CELA2B: variants seen among roughly 807,000 people sequenced by gnomAD.
CELA2B encodes the protein chymotrypsin like elastase 2B.
Under a neutral mutation model 36.5 loss-of-function variants are expected in CELA2B, and 27 were observed. The ratio of observed to expected loss-of-function variants is 0.74; its 90% CI spans 0.55 to 1.02. CELA2B has a LOEUF of 1.02. CELA2B is among the 50% of genes least tolerant of loss of function. The pLI is 0.00. For missense variants in CELA2B, 340 were observed against 347.8 expected (o/e 0.98, Z 0.18); for synonymous variants, 143 against 148.5 (o/e 0.96, Z 0.27).
chr1:15,480,053 C>G (rs979461795), intron 2 of CELA2B, among the ~76,000 whole-genome samples: 1 of 151,974 alleles, frequency 6.6e-6, no homozygotes, highest in Non-Finnish European at 1.5e-5. Context: ...GACTTCCATT[C>G]AAAAAGGATC....
chr1:15,478,918 T>A (rs1377959477), intron 2 of CELA2B, among the ~76,000 whole-genome samples: 1 of 152,124 alleles, frequency 6.6e-6, no homozygotes, highest in Non-Finnish European at 1.5e-5. Context: ...CACCGTGGCT[T>A]ATGTTCCCCA....
chr1:15,487,031 A>G (rs768862850), intron 6 of CELA2B, among the ~76,000 whole-genome samples: 19 of 152,228 alleles, frequency 1.2e-4, no homozygotes, highest in Non-Finnish European at 2.4e-4. Flanking sequence ...GCCTGGGGAT[A>G]CTACGAATAT....
Position 15,486,004 on chromosome 1 carries a change from T to C in CELA2B, c.597T>C (p.Asn199=), listed in dbSNP as rs1476082272. ...SGWWGSTVKT[N]MICAGGDGVI... The stretch of plus-strand genomic sequence containing the variant: ...GGTGGGGCAGCACCGTGAAGACGAA[T>C]ATGATCTGTGCTGGGGGTGATGGCG... Residue 199 remains asparagine, a synonymous_variant, in exon 6 of 8, where the codon AAT becomes AAC. Coordinates refer to ENST00000375910, the MANE Select transcript of CELA2B (RefSeq NM_015849.3). The C allele has an allele frequency of 1.2e-6, 2 of 1,614,130 alleles. No individual in the cohort carries two copies. The highest frequency in any genetic ancestry group is 4.5e-5 in the East Asian group (2 of 44,876).
rs151308509 is a variant in CELA2B, at chr1:15,483,835, A to T, written c.493+435A>T. Among the ~76,000 whole-genome samples, 131 of 152,126 alleles carry T rather than the reference A, an allele frequency of 8.6e-4. 2 individuals carry two copies. Among genetic ancestry groups the T allele is most frequent in the Middle Eastern group, 3.4e-3 (1 of 294 alleles). On this transcript the variant is annotated intron_variant, in intron 5 of 7. Transcript: ENST00000375910. ...TCCGAGCTACTTGGGAGCCTGAGGC[A>T]CAAGAATCATTTCAATCTAGGAGGC...
At chr1:15,483,526 A>T in intron 5 of CELA2B, 126 bp downstream of exon 5, 1 of 1,468,228 alleles carries the variant, frequency 6.8e-7, no homozygotes, top group Non-Finnish European at 9.3e-7. Context: ...ACAGGATGGC[A>T]TAGGCTGATG....
In CELA2B at chr1:15,489,055, A is replaced by C. The variant is rs150041687; in HGVS notation, c.792+1618A>C. On this transcript the variant is annotated intron_variant, in intron 7 of 7. Transcript: ENST00000375910. ...CACCTTTGGAGGCACCACGCACGTC[A>C]AAGGAGCCTGGCCTGAGACTGACTG... Among the ~76,000 whole-genome samples the C allele has an allele frequency of 8.3e-4, 127 of 152,352 alleles. 1 individual carries two copies. The East Asian group carries it at 0.023, about 28-fold the overall frequency.
At chr1:15,483,539 T>C in intron 5 of CELA2B, 139 bp downstream of exon 5, 1 of 1,377,174 alleles carries the variant, frequency 7.3e-7, no homozygotes, top group South Asian at 1.4e-5. Context: ...GGCTGATGTC[T>C]GCCTGGGTTC....
chr1:15,486,935 G>A (rs1215301163), intron 6 of CELA2B, among the ~76,000 whole-genome samples: 1 of 152,212 alleles, frequency 6.6e-6, no homozygotes, highest in Non-Finnish European at 1.5e-5. Context: ...TGAAGTCTGG[G>A]ATGTGGCCTC....
At chr1:15,491,270 A>G (rs1472840259) in intron 7 of CELA2B, 25 bp from the exon 8 acceptor site, 37 of 1,614,072 alleles carry the variant, frequency 2.3e-5, no homozygotes, top group Non-Finnish European at 2.9e-5. Flanking sequence ...GAACCTGACA[A>G]TTTTCTTGTG....
At position 15,476,525 on chromosome 1, in the gene CELA2B, C is replaced by A; in HGVS notation, c.109C>A (p.Pro37Thr). The change falls in exon 2 of 8, where the codon CCC becomes ACC. Residue 37 changes from proline (P) to threonine (T), a missense_variant. Physicochemically the swap from Pro to Thr is conservative, Grantham distance 38. Coordinates refer to ENST00000375910, the MANE Select transcript of CELA2B (RefSeq NM_015849.3). ...GATGCTTGGAGGTGAAGAAGCGAGG[C>A]CCAACAGCTGGCCCTGGCAGGTGAG... ...SRMLGGEEAR[P>T]NSWPWQVSLQ... 6.2e-7 allele frequency: 1 copy of A among 1,613,934 alleles called. No homozygotes were observed. The highest frequency in any genetic ancestry group is 8.5e-7 in the Non-Finnish European group (1 of 1,180,004).
At position 15,483,350 on chromosome 1, in the gene CELA2B, T is replaced by A. The variant is rs1708765966; in HGVS notation, c.443T>A (p.Ile148Asn). Residue 148 changes from isoleucine to asparagine, a missense_variant, in exon 5 of 8, where the codon ATT (isoleucine) becomes AAT (asparagine). Ile to Asn is a moderately radical substitution (Grantham distance 149). Coordinates refer to ENST00000375910, the MANE Select transcript of CELA2B (RefSeq NM_015849.3). ...GCCTGCCTCCCTCCTGCCGGCACCATTCTACCCAACAACTACCCCTGCTAC... is the reference window on the plus strand; with the variant it reads ...GCCTGCCTCCCTCCTGCCGGCACCAATCTACCCAACAACTACCCCTGCTAC... The part of the protein sequence containing the change: ...QLACLPPAGT[I>N]LPNNYPCYVT... 2 of 1,613,968 alleles carry A rather than the reference T, an allele frequency of 1.2e-6. No individual in the cohort carries two copies. Among genetic ancestry groups the A allele is most frequent in the Non-Finnish European group, 1.7e-6 (2 of 1,179,998 alleles).
At chr1:15,482,890 G>A (rs1333039286) in intron 4 of CELA2B, among the ~76,000 whole-genome samples, 11 of 151,970 alleles carry the variant, frequency 7.2e-5, no homozygotes, top group Non-Finnish European at 1.2e-4. Flanking sequence ...GGTTCACACC[G>A]TTCTCCTGCC....
At chr1:15,482,809 G>A (rs1011902018) in intron 4 of CELA2B, among the ~76,000 whole-genome samples, 2 of 151,880 alleles carry the variant, frequency 1.3e-5, no homozygotes, top group African/African-American at 4.8e-5. Context: ...TTTGTGAGAT[G>A]GAGTCTCGCT....
intron 2 of CELA2B, among the ~76,000 whole-genome samples, chr1:15,476,951 C>A (rs1298325060): frequency 6.6e-6 from 1 of 152,062 alleles, no homozygotes; most frequent in South Asian, 2.1e-4. Context: ...CACTACACTC[C>A]GGCCTGAATA....
At chr1:15,482,645 C>G (rs1445338839) in intron 4 of CELA2B, among the ~76,000 whole-genome samples, 1 of 152,120 alleles carries the variant, frequency 6.6e-6, no homozygotes, top group African/African-American at 2.4e-5. Flanking sequence ...GGCCCCTGTC[C>G]GCTGAGTGTG....
At chr1:15,481,308 T>G in intron 3 of CELA2B, 113 bp downstream of exon 3, 2 of 1,254,764 alleles carry the variant, frequency 1.6e-6, no homozygotes, top group Non-Finnish European at 2.3e-6. Flanking sequence ...AAATAACCAC[T>G]AGCCTGGCCG....
intron 5 of CELA2B, among the ~76,000 whole-genome samples, chr1:15,484,836 C>T (rs1370051468): frequency 6.6e-6 from 1 of 152,124 alleles, no homozygotes; most frequent in African/African-American, 2.4e-5. Flanking sequence ...ATGCATCACA[C>T]ATTGCAAAAT....
rs548912610 is a variant in CELA2B at position 15,488,365 on chromosome 1, C to T, written c.792+928C>T. On this transcript the variant is annotated intron_variant, in intron 7 of 7. Coordinates refer to ENST00000375910, the MANE Select transcript of CELA2B (RefSeq NM_015849.3). ...TCGCACCACTGCACTGCAGCCTGAG[C>T]GACATAGCAAGACCCTGTCTCTGAA... is the stretch of plus-strand genomic sequence containing the variant. Among the ~76,000 whole-genome samples, 16 of 152,070 alleles carry T rather than the reference C, an allele frequency of 1.1e-4. 1 individual carries two copies. Among genetic ancestry groups the T allele is most frequent in the South Asian group, 8.3e-4 (4 of 4,812 alleles).
chr1:15,489,487 G>C (rs375692117), intron 7 of CELA2B, among the ~76,000 whole-genome samples: 1 of 152,224 alleles, frequency 6.6e-6, no homozygotes, highest in Non-Finnish European at 1.5e-5. Context: ...CGGCAGAGGG[G>C]CTAGTGAAAC....
Sources: allele counts gnomAD v4.1 joint callset (sites outside exome capture counted in the v4.1 genomes callset), GRCh38; gene constraint gnomAD v4.1.1; transcripts MANE v1.5; gene names NCBI Gene and HGNC (gene_info 2026-07-23, HGNC 2026-07-21).